The following ACAD11 variants were observed in gnomAD, a reference collection of about 807,000 sequenced individuals.
ACAD11 encodes the protein acyl-Coenzyme A dehydrogenase family, member 11.
Under a neutral mutation model 102.2 loss-of-function variants are expected in ACAD11, and 83 were observed. The observed-to-expected ratio is 0.81, with a 90% CI of 0.68 to 0.97. The LOEUF is 0.97. Among genes scored for constraint, ACAD11 ranks in the 50% least tolerant of loss-of-function variants. The pLI is 0.00. For missense variants in ACAD11, 901 were observed against 951.7 expected (o/e 0.95, Z 0.70); for synonymous variants, 324 against 319.8 (o/e 1.01, Z -0.14).
intron 14 of ACAD11, 182 bp downstream of exon 14, chr3:132,579,310 C>G: frequency 1.6e-6 from 1 of 630,724 alleles, no homozygotes; most frequent in Non-Finnish European, 2.7e-6. Context: ...GCAATACTCC[C>G]TATAATGTTT....
intron 13 of ACAD11, among the ~76,000 whole-genome samples, chr3:132,591,946 G>C (rs1170628041): frequency 6.6e-6 from 1 of 152,068 alleles, no homozygotes; most frequent in Non-Finnish European, 1.5e-5. Flanking sequence ...ATGCCCAATA[G>C]ATTTCCGATA....
Position 132,571,345 on chromosome 3 carries a change from GT to G in ACAD11, c.2001+4426del, listed in dbSNP as rs533091323. Among the ~76,000 whole-genome samples the G allele has an allele frequency of 2.8e-3, 360 of 128,922 alleles. 1 individual carries two copies. The highest frequency in any genetic ancestry group is 0.025 in the Middle Eastern group (6 of 242). 84.6% of individuals were successfully genotyped at this position (128,922 alleles called of 152,430 possible). A position where few individuals can be genotyped will look rare whatever the true frequency, so the allele number is the denominator to read the frequency against. Reference sequence around the variant, plus strand: ...CATGTCTTTGGCCTACTTTTTAACGGTTTTTTTTTTTTTTTGTAAATTTGTT... The same window carrying G: ...CATGTCTTTGGCCTACTTTTTAACGGTTTTTTTTTTTTTTGTAAATTTGTT... On this transcript the variant is annotated intron_variant, in intron 17 of 19. Transcript: ENST00000264990.
intron 15 of ACAD11, among the ~76,000 whole-genome samples, chr3:132,577,394 T>C (rs1937538569): frequency 6.6e-6 from 1 of 152,214 alleles, no homozygotes; most frequent in African/African-American, 2.4e-5. Context: ...AAAGTTTCAA[T>C]GTTTCAAAAA....
chr3:132,575,187 G>A (rs1360671892), intron 17 of ACAD11, among the ~76,000 whole-genome samples: 1 of 151,966 alleles, frequency 6.6e-6, no homozygotes. Flanking sequence ...ATGTAACTAT[G>A]TTTACAGTGA....
At chr3:132,652,986 G>A (rs1937612070) in intron 1 of ACAD11, among the ~76,000 whole-genome samples, 1 of 149,236 alleles carries the variant, frequency 6.7e-6, no homozygotes, top group African/African-American at 2.6e-5. Flanking sequence ...CCTGAGGGCA[G>A]TTTACCAAAA....
intron 17 of ACAD11, among the ~76,000 whole-genome samples, chr3:132,563,787 T>C (rs1335070273): frequency 6.6e-6 from 1 of 152,210 alleles, no homozygotes; most frequent in Admixed American, 6.5e-5. Flanking sequence ...CTTGTTTTAC[T>C]GCACTGCCTA....
chr3:132,590,277 G>C (rs1278103033), intron 13 of ACAD11, among the ~76,000 whole-genome samples: 4 of 152,024 alleles, frequency 2.6e-5, no homozygotes, highest in African/African-American at 9.7e-5. Flanking sequence ...GGATTTTTTT[G>C]AGACAGTCTC....
intron 13 of ACAD11, among the ~76,000 whole-genome samples, chr3:132,598,918 G>C (rs2107817627): frequency 6.6e-6 from 1 of 152,274 alleles, no homozygotes; most frequent in East Asian, 1.9e-4. Context: ...ACAGAGGAGA[G>C]GTAGATTGGC....
Position 132,579,537 on chromosome 3 carries a change from T to G in ACAD11, c.1643A>C (p.Lys548Thr). 6.2e-7 allele frequency: 1 copy of G among 1,613,010 alleles called. No homozygotes were observed. The highest frequency in any genetic ancestry group is 1.1e-5 in the South Asian group (1 of 90,986). ...WSSGAGNPKC[K>T]IAIVLGRTQN... ...AGTTCTTCCCAAAACAATTGCAATT[T>G]TGCACTTGGGATTCCCAGCTCCTAA... is the stretch of plus-strand genomic sequence containing the variant. The change falls in exon 14 of 20, where the codon AAA becomes ACA. Residue 548 changes from lysine to threonine, a missense_variant. By Grantham distance (78) the Lys-to-Thr change is moderately conservative (BLOSUM62 -1). Coordinates refer to ENST00000264990, the MANE Select transcript of ACAD11 (RefSeq NM_032169.5).
intron 17 of ACAD11, among the ~76,000 whole-genome samples, chr3:132,564,003 G>A (rs1937141685): frequency 1.3e-5 from 2 of 152,070 alleles, no homozygotes; most frequent in Admixed American, 1.3e-4. Flanking sequence ...TTTGTCAAAT[G>A]CCAAAGCATC....
intron 11 of ACAD11, among the ~76,000 whole-genome samples, chr3:132,611,409 A>C (rs1477631849): frequency 6.6e-6 from 1 of 152,110 alleles, no homozygotes; most frequent in Admixed American, 6.5e-5. Flanking sequence ...AAGGGCATTC[A>C]ATTAGGAAAA....
chr3:132,613,042 A>G lies in ACAD11; in HGVS notation c.1414+5592T>C, dbSNP rs1292368832. Among the ~76,000 whole-genome samples, 3 of 152,072 alleles carry G rather than the reference A, an allele frequency of 2.0e-5. No homozygotes were observed. The East Asian group carries it at 5.8e-4, about 29-fold the overall frequency. ...GCATATACACCATGGAATACTATGC[A>G]GCCATAAAAAATAATGAGTTCATGT... is the stretch of plus-strand genomic sequence containing the variant. On this transcript the variant is annotated intron_variant, in intron 11 of 19. Coordinates refer to ENST00000264990, the MANE Select transcript of ACAD11 (RefSeq NM_032169.5).
intron 9 of ACAD11, among the ~76,000 whole-genome samples, chr3:132,623,339 T>C (rs965244541): frequency 1.6e-4 from 24 of 152,314 alleles, no homozygotes; most frequent in African/African-American, 5.8e-4. Flanking sequence ...TTAGTTATAA[T>C]AATGTTGGAT....
In ACAD11 at chr3:132,641,560, T is replaced by TGAAGAAGAA. The variant is rs370839030; in HGVS notation, c.537+403_537+411dup. 8.1e-3 allele frequency among the ~76,000 whole-genome samples: 802 copies of TGAAGAAGAA among 99,574 alleles called. 6 individuals are homozygous for TGAAGAAGAA. The highest frequency in any genetic ancestry group is 0.01 in the African/African-American group (204 of 19,932). 65.3% of individuals were successfully genotyped at this position (99,574 alleles called of 152,430 possible). On this transcript the variant is annotated intron_variant, in intron 4 of 19. Coordinates refer to ENST00000264990, the MANE Select transcript of ACAD11 (RefSeq NM_032169.5). ...CTCTGTCTCAAAATGATGATGATGA[T>TGAAGAAGAA]GAAGAAGAAGAAGAAGAAGAAGAAG...
chr3:132,584,713 G>C lies in ACAD11; in HGVS notation c.1622-5155C>G, dbSNP rs571261112. ...TGGCTGGTACCACTTTTTCCTTTCA[G>C]AGCCAAATCATGAGTGAACTCCCAT... On this transcript the variant is annotated intron_variant, in intron 13 of 19. Coordinates refer to ENST00000264990, the MANE Select transcript of ACAD11 (RefSeq NM_032169.5). Among the ~76,000 whole-genome samples the C allele has an allele frequency of 3.3e-5, 5 of 151,836 alleles. No homozygotes were observed. In the East Asian group the frequency reaches 9.7e-4, roughly 29 times the overall value.
intron 6 of ACAD11, 147 bp downstream of exon 6, chr3:132,631,189 AAAAAT>A (rs576655779): frequency 4.7e-4 from 212 of 452,638 alleles, no homozygotes; most frequent in African/African-American, 3.4e-3. Flanking sequence ...TCTTCAACAA[AAAAAT>A]AAAATAAAAA....
chr3:132,627,476 G>T (rs1464058303), intron 8 of ACAD11, among the ~76,000 whole-genome samples: 3 of 152,122 alleles, frequency 2.0e-5, no homozygotes, highest in Non-Finnish European at 4.4e-5. Flanking sequence ...AAGTTGAATT[G>T]AACACAAATA....
chr3:132,631,062 C>A (rs184887815), intron 6 of ACAD11, among the ~76,000 whole-genome samples: 14 of 152,104 alleles, frequency 9.2e-5, no homozygotes, highest in African/African-American at 2.7e-4. Context: ...CAGAGCAAGA[C>A]CTTGCATCTA....
chr3:132,604,342 T>G (rs1938749193), intron 12 of ACAD11, among the ~76,000 whole-genome samples: 1 of 152,198 alleles, frequency 6.6e-6, no homozygotes, highest in Non-Finnish European at 1.5e-5. Flanking sequence ...GGTACATATG[T>G]ATAAGAAAAA....
Sources: allele counts gnomAD v4.1 joint callset (sites outside exome capture counted in the v4.1 genomes callset), GRCh38; gene constraint gnomAD v4.1.1; transcripts MANE v1.5; gene names NCBI Gene and HGNC (gene_info 2026-07-23, HGNC 2026-07-21).